Variants in MCTP1 observed in about 807,000 individuals in gnomAD.
The protein encoded by MCTP1 is multiple C2 and transmembrane domain-containing protein 1.
A neutral mutation model predicts 120.6 loss-of-function variants in MCTP1; 69 were observed. The ratio of observed to expected loss-of-function variants is 0.57; its 90% CI spans 0.47 to 0.70. The LOEUF (loss-of-function observed/expected upper bound fraction) is 0.70. Ranked by LOEUF, MCTP1 falls within the 30% of genes least tolerant of loss-of-function variation. The pLI is 0.00. For missense variants in MCTP1, 1,203 were observed against 1,248.8 expected, an observed-to-expected ratio of 0.96 and a Z score of 0.55; for synonymous variants, 529 against 493.1, an observed-to-expected ratio of 1.07 and a Z score of -0.96.
intron 19 of MCTP1, among the ~76,000 whole-genome samples, chr5:94,773,057 T>TG (rs1227879160): frequency 1.3e-5 from 2 of 152,168 alleles, no homozygotes; most frequent in Non-Finnish European, 2.9e-5. Context: ...TCAAAGTGAG[T>TG]GGGCTATCAG....
At chr5:95,171,515 T>C (rs1447952523) in intron 1 of MCTP1, among the ~76,000 whole-genome samples, 1 of 152,222 alleles carries the variant, frequency 6.6e-6, no homozygotes, top group African/African-American at 2.4e-5. Context: ...TTTTCCAACT[T>C]GGTTCCATTC....
chr5:95,233,061 C>A (rs1245546179), intron 1 of MCTP1, among the ~76,000 whole-genome samples: 1 of 152,142 alleles, frequency 6.6e-6, no homozygotes, highest in Non-Finnish European at 1.5e-5. Flanking sequence ...AATAAATAGA[C>A]AGAAATCCAG....
At chr5:94,871,546 C>T in intron 13 of MCTP1, 129 bp from the exon 14 acceptor site, 1 of 666,660 alleles carries the variant, frequency 1.5e-6, no homozygotes, top group Admixed American at 2.3e-5. Flanking sequence ...TGCATACACA[C>T]ATATACAAGG....
chr5:94,927,631 A>C (rs541345463), intron 6 of MCTP1, among the ~76,000 whole-genome samples: 1 of 152,120 alleles, frequency 6.6e-6, no homozygotes, highest in Non-Finnish European at 1.5e-5. Flanking sequence ...CTAAATAATG[A>C]CTTTTTTTCA....
chr5:95,030,441 G>C (rs1395657851), intron 1 of MCTP1, among the ~76,000 whole-genome samples: 2 of 152,146 alleles, frequency 1.3e-5, no homozygotes, highest in Non-Finnish European at 2.9e-5. Flanking sequence ...CATGAGATAA[G>C]CTTCCTGAAA....
At chr5:95,073,800 G>C in intron 1 of MCTP1, among the ~76,000 whole-genome samples, 1 of 152,158 alleles carries the variant, frequency 6.6e-6, no homozygotes, top group East Asian at 1.9e-4. Context: ...TTAACTTGGA[G>C]TGTGTGTTAG....
intron 2 of MCTP1, among the ~76,000 whole-genome samples, chr5:95,002,111 C>A (rs1833850094): frequency 1.3e-5 from 2 of 152,186 alleles, no homozygotes; most frequent in Non-Finnish European, 2.9e-5. Context: ...TGGTGTTGAG[C>A]CTGTGGGTGC....
chr5:94,967,986 C>T (rs932151157), intron 2 of MCTP1, among the ~76,000 whole-genome samples: 2 of 152,070 alleles, frequency 1.3e-5, no homozygotes, highest in African/African-American at 4.8e-5. Context: ...AATTTCTAAT[C>T]ATTTTCAAAT....
At chr5:94,800,995 A>C (rs1251579440) in intron 17 of MCTP1, among the ~76,000 whole-genome samples, 1 of 152,056 alleles carries the variant, frequency 6.6e-6, no homozygotes, top group East Asian at 1.9e-4. Context: ...TGATATAAAT[A>C]ATTGATGGTT....
chr5:95,059,748 G>A (rs186735386), intron 1 of MCTP1, among the ~76,000 whole-genome samples: 2 of 152,170 alleles, frequency 1.3e-5, no homozygotes, highest in Non-Finnish European at 2.9e-5. Context: ...AAAAGAAAAT[G>A]TGCAGGGTGG....
chr5:95,010,684 A>G (rs766311103), intron 2 of MCTP1, among the ~76,000 whole-genome samples: 1 of 152,150 alleles, frequency 6.6e-6, no homozygotes, highest in Non-Finnish European at 1.5e-5. Context: ...GATGTTCTTC[A>G]TTCCCACAAA....
chr5:95,212,523 A>G (rs939595251), intron 1 of MCTP1, among the ~76,000 whole-genome samples: 2 of 152,198 alleles, frequency 1.3e-5, no homozygotes, highest in Admixed American at 1.3e-4. Context: ...TGAGGCCAGC[A>G]TCATACTGAT....
At chr5:94,847,682 G>GTGTGTATATATA (rs1169588105) in intron 17 of MCTP1, among the ~76,000 whole-genome samples, 30 of 102,402 alleles carry the variant, frequency 2.9e-4, no homozygotes, top group African/African-American at 1.1e-3. Context: ...GTGTGTGTGT[G>GTGTGTATATATA]TATATATATA....
At chr5:95,209,237 C>T (rs1057029225) in intron 1 of MCTP1, among the ~76,000 whole-genome samples, 1 of 152,186 alleles carries the variant, frequency 6.6e-6, no homozygotes, top group African/African-American at 2.4e-5. Flanking sequence ...TTGCCGCCTC[C>T]TCTTGTCCTC....
intron 1 of MCTP1, among the ~76,000 whole-genome samples, chr5:95,258,806 C>T (rs969966209): frequency 2.6e-5 from 4 of 152,130 alleles, no homozygotes; most frequent in South Asian, 2.1e-4. Context: ...CAACAATTAA[C>T]CCCTGAGGAA....
At chr5:95,073,389 T>A (rs1752738402) in intron 1 of MCTP1, among the ~76,000 whole-genome samples, 1 of 152,138 alleles carries the variant, frequency 6.6e-6, no homozygotes, top group Admixed American at 6.5e-5. Flanking sequence ...AGGGTACCCA[T>A]TCATTGCTGC....
chr5:95,243,644 A>G (rs1756421690), intron 1 of MCTP1, among the ~76,000 whole-genome samples: 1 of 152,216 alleles, frequency 6.6e-6, no homozygotes, highest in African/African-American at 2.4e-5. Context: ...AGATAAGACA[A>G]AACTGGAGAG....
chr5:95,120,508 A>G (rs1758145032), intron 1 of MCTP1, among the ~76,000 whole-genome samples: 1 of 152,244 alleles, frequency 6.6e-6, no homozygotes, highest in Admixed American at 6.5e-5. Context: ...GATTTATCCC[A>G]TGAATGCAAG....
chr5:95,085,346 G>T (rs1407467530), intron 1 of MCTP1, among the ~76,000 whole-genome samples: 1 of 150,684 alleles, frequency 6.6e-6, no homozygotes. Flanking sequence ...CCATAAACAA[G>T]ATATTAATTT....
Sources: allele counts gnomAD v4.1 joint callset (sites outside exome capture counted in the v4.1 genomes callset), GRCh38; gene constraint gnomAD v4.1.1; transcripts MANE v1.5; gene names NCBI Gene and HGNC (gene_info 2026-07-23, HGNC 2026-07-21).